SACS: variants seen among roughly 807,000 people sequenced by gnomAD.
The protein encoded by SACS is sacsin molecular chaperone, also known as sacsin.
A neutral mutation model predicts 348.0 loss-of-function variants in SACS; 197 were observed. The observed-to-expected ratio is 0.57, with a 90% confidence interval of 0.50 to 0.64. The LOEUF (loss-of-function observed/expected upper bound fraction) is 0.64, where lower values mean the gene tolerates loss of function less well. Ranked by LOEUF, SACS falls within the 30% of genes least tolerant of loss-of-function variation. The pLI is 0.00. For synonymous variants in SACS, 1,985 were observed against 1,910.6 expected, an observed-to-expected ratio of 1.04 and a Z score of -1.02; for missense variants, 4,999 against 5,360.8, an observed-to-expected ratio of 0.93 and a Z score of 2.11.
At chr13:23,379,283 T>G (rs1672316538) in intron 2 of SACS, among the ~76,000 whole-genome samples, 1 of 152,204 alleles carries the variant, frequency 6.6e-6, no homozygotes, top group African/African-American at 2.4e-5. Flanking sequence ...CCTCTCCTGT[T>G]CATTCACGTC....
At chr13:23,371,243 T>G in intron 3 of SACS, 78 bp from the exon 4 acceptor site, 1 of 825,988 alleles carries the variant, frequency 1.2e-6, no homozygotes, top group South Asian at 2.8e-5. Context: ...ATCTCAAATT[T>G]TTTCACTTAA....
chr13:23,397,814 G>A (rs1872765893), intron 2 of SACS, among the ~76,000 whole-genome samples: 1 of 152,176 alleles, frequency 6.6e-6, no homozygotes, highest in South Asian at 2.1e-4. Context: ...ACATCACTCA[G>A]GAGATTCTGA....
At chr13:23,424,473 C>T (rs917916060) in intron 1 of SACS, among the ~76,000 whole-genome samples, 5 of 150,924 alleles carry the variant, frequency 3.3e-5, no homozygotes, top group African/African-American at 1.2e-4. Context: ...TGCAGCGAGC[C>T]GAGATCACGC....
intron 1 of SACS, among the ~76,000 whole-genome samples, chr13:23,430,977 T>C (rs1042076923): frequency 6.6e-6 from 1 of 152,180 alleles, no homozygotes; most frequent in Admixed American, 6.5e-5. Context: ...GAGAACTCAG[T>C]GATGCTCCCC....
chr13:23,341,349 T>C lies in SACS; in HGVS notation c.2527A>G (p.Ile843Val), dbSNP rs1289099475. The C allele has an allele frequency of 3.7e-6, 6 of 1,605,546 alleles. No homozygotes were observed. Among genetic ancestry groups the C allele is most frequent in the Non-Finnish European group, 5.1e-6 (6 of 1,175,496 alleles). The change falls in exon 10 of 10, where the codon ATT becomes GTT. Residue 843 changes from isoleucine (I) to valine (V), a missense_variant. Physicochemically the swap from Ile to Val is conservative, Grantham distance 29. Around this residue, in one of 6 missense-constraint regions of SACS, gnomAD observed 3,156 missense variants for 3,380.1 expected, o/e 0.93. Coordinates refer to ENST00000382292, the MANE Select transcript of SACS (RefSeq NM_014363.6). Reference sequence around the variant, plus strand: ...ACAAACCCTCCAAGTTTTTGTACAATGTCTGCTAAAAATTCTGGAAGCTGT... The same window carrying C: ...ACAAACCCTCCAAGTTTTTGTACAACGTCTGCTAAAAATTCTGGAAGCTGT... ...EAQLPEFLAD[I>V]VQKLGGFVLK...
In SACS at chr13:23,398,837, C is replaced by G. The variant is rs535605493; in HGVS notation, c.20+12383G>C. ...ACTTAAAAGGATGCCTGGTTGAGAC[C>G]ACCCTGGCCAACATGGTGAAACCCC... On this transcript the variant is annotated intron_variant, in intron 2 of 9. Transcript: ENST00000382292. 2.0e-4 allele frequency among the ~76,000 whole-genome samples: 30 copies of G among 151,340 alleles called. No homozygotes were observed. In the East Asian group the frequency reaches 5.9e-3, roughly 30 times the overall value.
intron 2 of SACS, among the ~76,000 whole-genome samples, chr13:23,407,726 C>A (rs912870660): frequency 2.6e-5 from 4 of 152,152 alleles, no homozygotes; most frequent in African/African-American, 4.8e-5. Flanking sequence ...CAGGCTCCCC[C>A]ACGCCCTCTT....
Position 23,338,782 on chromosome 13 carries a change from C to G in SACS, c.5094G>C (p.Leu1698Phe). Residue 1698 changes from leucine (L) to phenylalanine (F), a missense_variant, in exon 10 of 10, where the codon TTG (leucine) becomes TTC (phenylalanine). Transcript: ENST00000382292. Reference protein sequence around the residue: ...QSVKSMYLKYLKIEETNPSLA... With the variant: ...QSVKSMYLKYFKIEETNPSLA... The stretch of plus-strand genomic sequence containing the variant: ...AACTGGGGTTGGTTTCCTCAATTTT[C>G]AAGTACTTCAAATACATTGACTTTA... 6.2e-7 allele frequency: 1 copy of G among 1,611,154 alleles called. No homozygotes were observed. Among genetic ancestry groups the G allele is most frequent in the Non-Finnish European group, 8.5e-7 (1 of 1,179,288 alleles).
At chr13:23,362,372 A>G (rs1186613210) in intron 6 of SACS, among the ~76,000 whole-genome samples, 2 of 152,194 alleles carry the variant, frequency 1.3e-5, no homozygotes, top group South Asian at 2.1e-4. Context: ...ATTATATAAA[A>G]ATGAATAAAA....
At position 23,335,301 on chromosome 13, in the gene SACS, G is replaced by C; in HGVS notation, c.8575C>G (p.His2859Asp). The change falls in exon 10 of 10, where the codon CAC becomes GAC. Residue 2859 changes from histidine (H) to aspartate (D), a missense_variant. His to Asp is a moderately conservative substitution (Grantham distance 81, BLOSUM62 -1). Coordinates refer to ENST00000382292, the MANE Select transcript of SACS (RefSeq NM_014363.6). The surrounding 1 kb of genome is among the most constrained non-coding windows in gnomAD (Gnocchi z 4.7). ...GCCCTATGGGGTTTTTTATAGTTGT[G>C]AGTAATGCAGGCAGCTACTCCACCA... ...PRGGVAACIT[H>D]NYKKPHRAFC... is the part of the protein sequence containing the mutation. The C allele has an allele frequency of 6.2e-7, 1 of 1,613,930 alleles. No individual in the cohort carries two copies. The highest frequency in any genetic ancestry group is 8.5e-7 in the Non-Finnish European group (1 of 1,179,874).
chr13:23,429,438 C>G (rs1270285515), intron 1 of SACS, among the ~76,000 whole-genome samples: 5 of 140,676 alleles, frequency 3.6e-5, no homozygotes, highest in Non-Finnish European at 6.0e-5. Context: ...TATCGGCTCA[C>G]TGCAAGCTCC....
chr13:23,364,651 G>T (rs542273604), intron 6 of SACS, among the ~76,000 whole-genome samples: 3 of 152,312 alleles, frequency 2.0e-5, no homozygotes, highest in African/African-American at 7.2e-5. Context: ...GAGATATTAG[G>T]AGTCTATTGG....
At chr13:23,399,037 A>AAAAAAAAAAAAAAAAAAAAAAAAAAAC (rs55848856) in intron 2 of SACS, among the ~76,000 whole-genome samples, 3 of 149,858 alleles carry the variant, frequency 2.0e-5, no homozygotes, top group African/African-American at 7.5e-5. Context: ...AAAAAAAAAA[A>AAAAAAAAAAAAAAAAAAAAAAAAAAAC]CATGGATGCC....
At position 23,338,412 on chromosome 13, in the gene SACS, T is replaced by C. The variant is rs1868866672; in HGVS notation, c.5464A>G (p.Thr1822Ala). Residue 1822 changes from threonine to alanine, a missense_variant, in exon 10 of 10, where the codon ACT becomes GCT. Thr to Ala is a moderately conservative substitution (Grantham distance 58). Transcript: ENST00000382292. ...AGAGCCTCTCCTGTGTCCATGCAAG[T>C]ACACAGAAGCCACGTGGTACACTCT... ...TVECTTWLLCTCMDTGEALKF... is the reference protein window; with the variant it reads ...TVECTTWLLCACMDTGEALKF... 1.2e-6 allele frequency: 2 copies of C among 1,614,066 alleles called. No individual in the cohort carries two copies. Among genetic ancestry groups the C allele is most frequent in the Non-Finnish European group, 1.7e-6 (2 of 1,179,960 alleles).
chr13:23,353,693 G>T, intron 9 of SACS, 92 bp downstream of exon 9: 2 of 713,686 alleles, frequency 2.8e-6, no homozygotes, highest in Non-Finnish European at 2.4e-6. Flanking sequence ...AGAAATTGTT[G>T]ATTTATAGGT....
chr13:23,343,659 G>A (rs1004378816), intron 9 of SACS, among the ~76,000 whole-genome samples: 4 of 152,166 alleles, frequency 2.6e-5, no homozygotes, highest in African/African-American at 9.7e-5. Flanking sequence ...ACTCCAGCCT[G>A]GGCGACAGAG....
chr13:23,334,707 T>C lies in SACS; in HGVS notation c.9169A>G (p.Arg3057Gly). 2 of 1,613,818 alleles carry C rather than the reference T, an allele frequency of 1.2e-6. No homozygotes were observed. Among genetic ancestry groups the C allele is most frequent in the Non-Finnish European group, 1.7e-6 (2 of 1,179,790 alleles). Residue 3057 changes from arginine to glycine, a missense_variant, in exon 10 of 10, where the codon AGG (arginine) becomes GGG (glycine). Physicochemically the swap from Arg to Gly is moderately radical, Grantham distance 125. This residue lies in a region of SACS where 734 missense variants were observed against 694.0 expected (regional missense o/e 1.06). Transcript: ENST00000382292. ...TRKTVAENVYRLKHLLLEIGF... is the reference protein window; with the variant it reads ...TRKTVAENVYGLKHLLLEIGF... ...ATTTCTAAAAGGAGATGTTTCAGCC[T>C]ATAGACATTCTCTGCTACTGTTTTG...
intron 2 of SACS, among the ~76,000 whole-genome samples, chr13:23,392,849 C>A (rs1872580152): frequency 6.6e-6 from 1 of 152,226 alleles, no homozygotes; most frequent in Non-Finnish European, 1.5e-5. Flanking sequence ...TCTCTCCCCT[C>A]TCCTGGCCAC....
intron 2 of SACS, among the ~76,000 whole-genome samples, chr13:23,400,574 C>A (rs1200145426): frequency 6.6e-6 from 1 of 152,194 alleles, no homozygotes; most frequent in Non-Finnish European, 1.5e-5. Flanking sequence ...GTGCCCGCCA[C>A]CACACCCGGC....
Sources: gnomAD v4.1 joint callset for allele counts (sites outside exome capture counted in the v4.1 genomes callset) on GRCh38, gnomAD v4.1.1 for gene constraint, gnomAD v4.1.1 regional missense constraint, Gnocchi (gnomAD v3.1) non-coding constraint, MANE v1.5 for transcripts, NCBI Gene and HGNC (gene_info 2026-07-23, HGNC 2026-07-21) for gene names.